Variants in DTNB observed in about 807,000 individuals in gnomAD.
The protein encoded by DTNB is DTN-B.
A neutral mutation model predicts 90.7 loss-of-function variants in DTNB; 63 were observed. The observed-to-expected ratio is 0.69, with a 90% CI of 0.57 to 0.86. DTNB has a LOEUF of 0.86. Ranked by LOEUF, DTNB falls within the 40% of genes least tolerant of loss-of-function variation. The pLI is 0.00. For synonymous variants in DTNB, 277 were observed against 286.7 expected, an observed-to-expected ratio of 0.97 and a Z score of 0.34; for missense variants, 744 against 807.1, an observed-to-expected ratio of 0.92 and a Z score of 0.95.
intron 9 of DTNB, among the ~76,000 whole-genome samples, chr2:25,495,405 T>G (rs907204543): frequency 1.3e-5 from 2 of 152,162 alleles, no homozygotes; most frequent in Non-Finnish European, 2.9e-5. Context: ...CTTCAAAAAT[T>G]TGTGGTTAGA....
intron 7 of DTNB, among the ~76,000 whole-genome samples, chr2:25,578,495 T>C (rs1357347197): frequency 6.6e-6 from 1 of 152,244 alleles, no homozygotes; most frequent in African/African-American, 2.4e-5. Context: ...TGTATGTTAG[T>C]ATTAAATTAC....
chr2:25,599,805 T>C (rs1046829957), intron 5 of DTNB, among the ~76,000 whole-genome samples: 1 of 152,196 alleles, frequency 6.6e-6, no homozygotes, highest in Non-Finnish European at 1.5e-5. Context: ...TTTAAATAGC[T>C]GGCTGCTGGT....
In DTNB at chr2:25,404,901, C is replaced by T. The variant is rs372761921; in HGVS notation, c.1575+14614G>A. ...CCACAGATAGGAAAACTACACAACC[C>T]GTGGAAAATCCAACTCGCCACCATT... On this transcript the variant is annotated intron_variant, in intron 16 of 20. Transcript: ENST00000406818. Among the ~76,000 whole-genome samples the T allele has an allele frequency of 4.0e-4, 61 of 152,082 alleles. No individual in the cohort carries two copies. The South Asian group carries it at 0.011, about 28-fold the overall frequency.
chr2:25,462,662 T>C (rs1410328905), intron 10 of DTNB, among the ~76,000 whole-genome samples: 1 of 152,240 alleles, frequency 6.6e-6, no homozygotes, highest in Non-Finnish European at 1.5e-5. Context: ...ACTTGTGACC[T>C]ATCAGATACT....
Position 25,488,764 on chromosome 2 carries a change from C to A in DTNB, c.1002-5891G>T, listed in dbSNP as rs1269663690. On this transcript the variant is annotated intron_variant, in intron 9 of 20. Coordinates refer to ENST00000406818, the MANE Select transcript of DTNB (RefSeq NM_021907.5). ...ACCTCCCAGGTTCAAGCGATTCCCC[C>A]CTCACCCTCCCGAGTAGCTGGGATT... 5.3e-5 allele frequency among the ~76,000 whole-genome samples: 8 copies of A among 152,278 alleles called. No homozygotes were observed. In the South Asian group the frequency reaches 1.5e-3, roughly 28 times the overall value.
intron 8 of DTNB, among the ~76,000 whole-genome samples, chr2:25,573,878 C>G: frequency 6.6e-6 from 1 of 152,166 alleles, no homozygotes; most frequent in East Asian, 1.9e-4. Context: ...ATCATGCCTC[C>G]ATCACAGTCA....
chr2:25,547,271 CTTT>C (rs371065720), intron 8 of DTNB, among the ~76,000 whole-genome samples: 15 of 123,882 alleles, frequency 1.2e-4, no homozygotes, highest in East Asian at 4.7e-4. Context: ...CTGTATACTT[CTTT>C]TTTTTTTTAA....
At position 25,508,538 on chromosome 2, in the gene DTNB, T is replaced by TTG. The variant is rs147328043; in HGVS notation, c.1001+22934_1001+22935insCA. Among the ~76,000 whole-genome samples, 16 of 73,236 alleles carry TTG rather than the reference T, an allele frequency of 2.2e-4. No individual in the cohort carries two copies. The East Asian group carries it at 0.012, about 54-fold the overall frequency. The allele number at this position is 73,236 out of a possible 152,430, so 48.0% of individuals were successfully genotyped here. The stretch of plus-strand genomic sequence containing the variant: ...TTTTGAGATGGAGTTTCGCTCTTTG[T>TTG]TTTTTATTTTTTTGAGATGGAGTTT... On this transcript the variant is annotated intron_variant, in intron 9 of 20. Transcript: ENST00000406818.
intron 12 of DTNB, among the ~76,000 whole-genome samples, chr2:25,449,115 T>C (rs938158266): frequency 6.6e-6 from 1 of 152,218 alleles, no homozygotes; most frequent in African/African-American, 2.4e-5. Flanking sequence ...TTTTTTTGTC[T>C]GGCTTCTTTT....
In DTNB at chr2:25,515,675, G is replaced by A. The variant is rs140134476; in HGVS notation, c.1001+15798C>T. On this transcript the variant is annotated intron_variant, in intron 9 of 20. Transcript: ENST00000406818. ...CAATCTCGGCTCACTACAACCTCCC[G>A]AGCAATTCTCCTGCCTAAGCCTCCT... Among the ~76,000 whole-genome samples, 637 of 151,776 alleles carry A rather than the reference G, an allele frequency of 4.2e-3. 4 individuals are homozygous for A. Among genetic ancestry groups the A allele is most frequent in the African/African-American group, 0.014 (597 of 41,404 alleles).
chr2:25,412,375 A>T (rs1317341861), intron 16 of DTNB, among the ~76,000 whole-genome samples: 1 of 152,196 alleles, frequency 6.6e-6, no homozygotes, highest in African/African-American at 2.4e-5. Flanking sequence ...GAAAGGTCCC[A>T]AGTGTGGCAA....
chr2:25,569,657 G>C (rs566764170), intron 8 of DTNB, among the ~76,000 whole-genome samples: 1 of 152,176 alleles, frequency 6.6e-6, no homozygotes, highest in East Asian at 1.9e-4. Context: ...ATTTGATTCG[G>C]GGGCTACTGG....
At chr2:25,565,539 C>G (rs2058897136) in intron 8 of DTNB, among the ~76,000 whole-genome samples, 1 of 152,148 alleles carries the variant, frequency 6.6e-6, no homozygotes, top group Admixed American at 6.5e-5. Flanking sequence ...GCCACTCTGA[C>G]TGACCACTGT....
At chr2:25,476,346 G>A (rs1311058255) in intron 10 of DTNB, among the ~76,000 whole-genome samples, 1 of 152,136 alleles carries the variant, frequency 6.6e-6, no homozygotes, top group Non-Finnish European at 1.5e-5. Flanking sequence ...TGGGGTTATA[G>A]GCCACCACAC....
At chr2:25,508,979 T>C (rs1413558726) in intron 9 of DTNB, among the ~76,000 whole-genome samples, 2 of 152,266 alleles carry the variant, frequency 1.3e-5, no homozygotes, top group East Asian at 1.9e-4. Context: ...GCTGCTAATA[T>C]ACAGAAATGC....
intron 16 of DTNB, among the ~76,000 whole-genome samples, chr2:25,412,340 A>T (rs1252436926): frequency 2.0e-5 from 3 of 152,184 alleles, no homozygotes; most frequent in Admixed American, 2.0e-4. Context: ...ATCCCACGTG[A>T]TAGCCAAACT....
Position 25,580,557 on chromosome 2 carries a change from TA to T in DTNB, c.709+163del, listed in dbSNP as rs202115135. On this transcript the variant is annotated intron_variant, in intron 7 of 20. Coordinates refer to ENST00000406818, the MANE Select transcript of DTNB (RefSeq NM_021907.5). The stretch of plus-strand genomic sequence containing the variant: ...AAAGTAATAAGTACCCTCCCTTTTT[TA>T]AAAAAAAATTCTTCTGAAAGCCAAA... 8.8e-3 allele frequency among the ~76,000 whole-genome samples: 1,338 copies of T among 151,312 alleles called. 11 individuals carry two copies. The highest frequency in any genetic ancestry group is 0.014 in the Non-Finnish European group (951 of 67,766).
chr2:25,579,345 G>A (rs2061206646), intron 7 of DTNB, among the ~76,000 whole-genome samples: 1 of 152,186 alleles, frequency 6.6e-6, no homozygotes, highest in Non-Finnish European at 1.5e-5. Context: ...CCATAGTTGG[G>A]TAAAAGGCTG....
intron 1 of DTNB, among the ~76,000 whole-genome samples, chr2:25,661,593 G>C (rs2083189237): frequency 6.6e-6 from 1 of 152,190 alleles, no homozygotes; most frequent in Non-Finnish European, 1.5e-5. Flanking sequence ...CTTCTAATAG[G>C]GCTGGCAGAA....
Sources: allele counts gnomAD v4.1 joint callset (sites outside exome capture counted in the v4.1 genomes callset), GRCh38; gene constraint gnomAD v4.1.1; transcripts MANE v1.5; gene names NCBI Gene and HGNC (gene_info 2026-07-23, HGNC 2026-07-21).